The following DDX6 variants were observed in gnomAD, a reference collection of about 807,000 sequenced individuals.
DDX6 encodes probable ATP-dependent RNA helicase DDX6.
Under a neutral mutation model 60.6 loss-of-function variants are expected in DDX6, and 7 were observed. The observed-to-expected ratio is 0.12, with a 90% CI of 0.07 to 0.22. The LOEUF is 0.22. Among genes scored for constraint, DDX6 ranks in the 10% least tolerant of loss-of-function variants. DDX6 has a pLI of 1.00. For missense variants in DDX6, 270 were observed against 589.9 expected (o/e 0.46, Z 5.62); for synonymous variants, 207 against 201.0 (o/e 1.03, Z -0.25).
chr11:118,790,888 A>C (rs1358175517), intron 1 of DDX6: 3 of 152,026 alleles, frequency 2.0e-5, no homozygotes, highest in African/African-American at 7.3e-5. Context: ...GTGTCCTACC[A>C]ACGAGGCCAC....
In DDX6 at chr11:118,749,486, T is replaced by C. The variant is rs180884425; in HGVS notation, c.*2619A>G. ...GCTGCCTCTACAAGACCGTGTCCAG[T>C]AGTGGTGTCCCAGATAGTTTAAGTG... On this transcript the variant is annotated 3_prime_UTR_variant, in exon 14 of 14. Coordinates refer to ENST00000534980, the MANE Select transcript of DDX6 (RefSeq NM_004397.6). The C allele has an allele frequency of 0.01, 1,590 of 151,510 alleles. 10 individuals carry two copies. Among genetic ancestry groups the C allele is most frequent in the Non-Finnish European group, 0.019 (1,283 of 67,886 alleles). 9.4% of individuals were successfully genotyped at this position (151,510 alleles called of 1,614,324 possible). A position where few individuals can be genotyped will look rare whatever the true frequency, so the allele number is the denominator to read the frequency against.
chr11:118,784,087 C>CA (rs61356183), intron 2 of DDX6, among the ~76,000 whole-genome samples: 108,605 of 128,532 alleles, frequency 0.84, 45,570 homozygotes, highest in East Asian at 0.97. Flanking sequence ...GACCCTGTCT[C>CA]AAAAAAAAAA....
rs782624148 is a variant in DDX6, at chr11:118,757,180, T to C, written c.1101A>G (p.Lys367=). 6.5e-7 allele frequency: 1 copy of C among 1,548,312 alleles called. No homozygotes were observed. Among genetic ancestry groups the C allele is most frequent in the South Asian group, 1.3e-5 (1 of 79,186 alleles). ...LGYSCFYIHA[K]MRQEHRNRVF... is the part of the protein sequence containing the mutation. ...CTAGTTTTATACTCACCTGCCTCAT[T>C]TTAGCATGAATATAGAAGCAAGAAT... The change falls in exon 10 of 14, where the codon AAA becomes AAG. Residue 367 remains lysine (K), a synonymous_variant. Transcript: ENST00000534980.
chr11:118,758,726 T>C, intron 9 of DDX6, 48 bp downstream of exon 9: 1 of 1,601,976 alleles, frequency 6.2e-7, no homozygotes, highest in Non-Finnish European at 8.5e-7. Context: ...TCATCTGTTT[T>C]ACTGGGACTC....
At chr11:118,754,310 A>C (rs1315323257) in intron 13 of DDX6, among the ~76,000 whole-genome samples, 8 of 152,232 alleles carry the variant, frequency 5.3e-5, no homozygotes, top group Admixed American at 5.2e-4. Context: ...ATGTGCCTAC[A>C]GTTCCAGCTA....
chr11:118,754,129 CTG>C (rs1385152895), intron 13 of DDX6, among the ~76,000 whole-genome samples: 49 of 152,072 alleles, frequency 3.2e-4, no homozygotes, highest in Non-Finnish European at 1.5e-5. Flanking sequence ...CCCTACAAAA[CTG>C]TCAAAAAAGG....
rs1173492670 is a variant in DDX6 at position 118,748,703 on chromosome 11, CACCCTCCCTTCTGGGGCAAAGT to C, written c.*3380_*3401del. The C allele has an allele frequency of 3.3e-5, 5 of 151,858 alleles. No individual in the cohort carries two copies. The highest frequency in any genetic ancestry group is 1.2e-4 in the African/African-American group (5 of 41,324). The allele number at this position is 151,858 out of a possible 1,614,324, so 9.4% of individuals were successfully genotyped here. A position where few individuals can be genotyped will look rare whatever the true frequency, so the allele number is the denominator to read the frequency against. Reference sequence around the variant, plus strand: ...AGTGTTTCTAAATCCTTAGTGCAGACACCCTCCCTTCTGGGGCAAAGTACCCTCCCTCCCACCCCTATTAAAA... The same window carrying C: ...AGTGTTTCTAAATCCTTAGTGCAGACACCCTCCCTCCCACCCCTATTAAAA... On this transcript the variant is annotated 3_prime_UTR_variant, in exon 14 of 14. Coordinates refer to ENST00000534980, the MANE Select transcript of DDX6 (RefSeq NM_004397.6).
intron 9 of DDX6, among the ~76,000 whole-genome samples, chr11:118,757,775 G>C (rs551250216): frequency 6.6e-6 from 1 of 152,158 alleles, no homozygotes; most frequent in Admixed American, 6.5e-5. Flanking sequence ...ATTTTTAGTA[G>C]AGACAGGGTT....
chr11:118,768,976 T>G (rs1163677542), intron 4 of DDX6, among the ~76,000 whole-genome samples: 5 of 82,770 alleles, frequency 6.0e-5, no homozygotes, highest in African/African-American at 2.4e-4. Context: ...GAAAGAGACC[T>G]CGTCTCATCT....
chr11:118,789,563 T>A (rs977980758), intron 1 of DDX6: 11 of 152,188 alleles, frequency 7.2e-5, no homozygotes, highest in African/African-American at 1.7e-4. Flanking sequence ...AAATCCTGAT[T>A]ATCACATACA....
intron 5 of DDX6, among the ~76,000 whole-genome samples, chr11:118,766,427 C>G (rs1448558207): frequency 6.6e-6 from 1 of 152,122 alleles, no homozygotes; most frequent in Non-Finnish European, 1.5e-5. Context: ...CAGCAAGACT[C>G]TGTCTCCCCC....
intron 7 of DDX6, 145 bp from the exon 8 acceptor site, chr11:118,760,189 T>A (rs1861115879): frequency 2.5e-6 from 2 of 789,576 alleles, no homozygotes; most frequent in East Asian, 2.8e-5. Context: ...TCTCCAACAC[T>A]GCAGAGAGTC....
chr11:118,766,557 T>C (rs1861360767), intron 5 of DDX6, among the ~76,000 whole-genome samples: 2 of 152,124 alleles, frequency 1.3e-5, no homozygotes, highest in Admixed American at 1.3e-4. Context: ...AGATTTAGAC[T>C]CTCCCTCAGC....
intron 10 of DDX6, 52 bp downstream of exon 10, chr11:118,757,119 T>C (rs537085403): frequency 2.1e-6 from 2 of 971,350 alleles, no homozygotes; most frequent in East Asian, 2.9e-5. Flanking sequence ...TAAAACAAAA[T>C]AAAGAAAGAG....
chr11:118,755,648 ATAATCACAT>A (rs1449351123), intron 11 of DDX6, 145 bp from the exon 12 acceptor site: 6 of 573,496 alleles, frequency 1.0e-5, no homozygotes, highest in Non-Finnish European at 1.9e-5. Flanking sequence ...ATTACCTTTC[ATAATCACAT>A]TATCATAAAT....
At chr11:118,770,266 G>A (rs1555162227) in intron 4 of DDX6, among the ~76,000 whole-genome samples, 1 of 151,904 alleles carries the variant, frequency 6.6e-6, no homozygotes, top group African/African-American at 2.4e-5. Flanking sequence ...GACCTCAGAT[G>A]ATCCACCGAC....
At chr11:118,754,533 C>T (rs1555158247) in intron 13 of DDX6, 172 bp downstream of exon 13, 8 of 514,482 alleles carry the variant, frequency 1.6e-5, no homozygotes, top group East Asian at 6.7e-5. Flanking sequence ...TACAGATTCT[C>T]GAATGAGACT....
chr11:118,776,639 C>G (rs1408651978), intron 4 of DDX6, among the ~76,000 whole-genome samples: 16 of 152,060 alleles, frequency 1.1e-4, no homozygotes, highest in East Asian at 3.8e-4. Context: ...TCGAGACCAT[C>G]CTGGCTAACA....
Position 118,768,246 on chromosome 11 carries a change from T to G in DDX6, c.476A>C (p.Asp159Ala). Residue 159 changes from aspartate (D) to alanine (A), a missense_variant, in exon 5 of 14, where the codon GAC becomes GCC. Transcript: ENST00000534980. ...AYLIPLLERL[D>A]LKKDNIQAMV... ...ACCTTGTATATTGTCCTTCTTCAGG[T>G]CTAGCCGTTCAAGTAAGGGAATGAG... 1 of 1,613,880 alleles carries G rather than the reference T, an allele frequency of 6.2e-7. No individual in the cohort carries two copies. The highest frequency in any genetic ancestry group is 8.5e-7 in the Non-Finnish European group (1 of 1,179,860).
Sources: gnomAD v4.1 joint callset for allele counts (sites outside exome capture counted in the v4.1 genomes callset) on GRCh38, gnomAD v4.1.1 for gene constraint, MANE v1.5 for transcripts, NCBI Gene and HGNC (gene_info 2026-07-23, HGNC 2026-07-21) for gene names.